Variants in KCNK13 observed in about 807,000 individuals in gnomAD.
KCNK13 encodes potassium channel subfamily K member 13.
KCNK13 carries 12 observed loss-of-function variants against 23.4 expected under a neutral mutation model. The ratio of observed to expected loss-of-function variants is 0.51; its 90% CI spans 0.33 to 0.83. The LOEUF is 0.83. Ranked by LOEUF, KCNK13 falls within the 40% of genes least tolerant of loss-of-function variation. KCNK13 has a pLI of 0.02. For synonymous variants in KCNK13, 231 were observed against 229.5 expected, an observed-to-expected ratio of 1.01 and a Z score of -0.06; for missense variants, 463 against 556.3, an observed-to-expected ratio of 0.83 and a Z score of 1.69.
intron 1 of KCNK13, among the ~76,000 whole-genome samples, chr14:90,118,982 T>C (rs1432157675): frequency 6.6e-6 from 1 of 151,830 alleles, no homozygotes; most frequent in Non-Finnish European, 1.5e-5. Flanking sequence ...CCCACAGAAA[T>C]AAAAATAACA....
chr14:90,116,413 C>G (rs1204447386), intron 1 of KCNK13, among the ~76,000 whole-genome samples: 1 of 152,200 alleles, frequency 6.6e-6, no homozygotes, highest in African/African-American at 2.4e-5. Context: ...TAGTTATAAA[C>G]TATCGCACAG....
chr14:90,128,456 CA>C (rs1889828890), intron 1 of KCNK13, among the ~76,000 whole-genome samples: 1 of 152,196 alleles, frequency 6.6e-6, no homozygotes, highest in South Asian at 2.1e-4. Context: ...CCCTTCAGCT[CA>C]TTCACTGCAC....
At chr14:90,155,576 C>T (rs1890184049) in intron 1 of KCNK13, among the ~76,000 whole-genome samples, 1 of 152,054 alleles carries the variant, frequency 6.6e-6, no homozygotes, top group Non-Finnish European at 1.5e-5. Flanking sequence ...ATATTTTGGA[C>T]TGGAGAGGTA....
At chr14:90,115,688 G>A (rs74082616) in intron 1 of KCNK13, among the ~76,000 whole-genome samples, 2,813 of 152,152 alleles carry the variant, frequency 0.018, 84 homozygotes, top group African/African-American at 0.064. Flanking sequence ...TTCCAATAAC[G>A]TGTTATTAAA....
intron 1 of KCNK13, among the ~76,000 whole-genome samples, chr14:90,088,432 T>C (rs963274214): frequency 2.0e-5 from 3 of 152,158 alleles, no homozygotes; most frequent in Non-Finnish European, 4.4e-5. Context: ...AAAAGTGAAG[T>C]TCCCGAAGGC....
At chr14:90,063,507 G>C (rs1321076390) in intron 1 of KCNK13, among the ~76,000 whole-genome samples, 2 of 152,262 alleles carry the variant, frequency 1.3e-5, no homozygotes, top group East Asian at 3.9e-4. Flanking sequence ...AATAAATTCT[G>C]AGGGGGGCAA....
intron 1 of KCNK13, among the ~76,000 whole-genome samples, chr14:90,084,117 T>C (rs1426136631): frequency 6.6e-6 from 1 of 152,228 alleles, no homozygotes; most frequent in Non-Finnish European, 1.5e-5. Flanking sequence ...TCCAATGTTG[T>C]TGGTTTTTTT....
intron 1 of KCNK13, among the ~76,000 whole-genome samples, chr14:90,142,310 A>ATTTT (rs1229053089): frequency 3.9e-5 from 4 of 103,364 alleles, no homozygotes; most frequent in African/African-American, 1.1e-4. Flanking sequence ...TGGCTGTCCA[A>ATTTT]TTCTTTTTTT....
At chr14:90,143,100 G>C (rs1465799275) in intron 1 of KCNK13, among the ~76,000 whole-genome samples, 1 of 151,198 alleles carries the variant, frequency 6.6e-6, no homozygotes, top group African/African-American at 2.4e-5. Context: ...AAAAAGGTAG[G>C]GACACCTTTA....
chr14:90,125,852 A>G (rs999310666), intron 1 of KCNK13, among the ~76,000 whole-genome samples: 1 of 152,030 alleles, frequency 6.6e-6, no homozygotes, highest in African/African-American at 2.4e-5. Flanking sequence ...GTGAAACCTC[A>G]TCTCTACAGA....
At chr14:90,120,100 T>G (rs187971335) in intron 1 of KCNK13, among the ~76,000 whole-genome samples, 1 of 152,314 alleles carries the variant, frequency 6.6e-6, no homozygotes, top group East Asian at 1.9e-4. Context: ...CAGTGTCTGT[T>G]GTTCCCCTGT....
At chr14:90,153,166 CCTCCCTGACT>C in intron 1 of KCNK13, among the ~76,000 whole-genome samples, 1 of 152,290 alleles carries the variant, frequency 6.6e-6, no homozygotes, top group East Asian at 1.9e-4. Flanking sequence ...CCTTCTCTGA[CCTCCCTGACT>C]CTCCTTCCCC....
At chr14:90,068,849 ACCT>A (rs1343097081) in intron 1 of KCNK13, among the ~76,000 whole-genome samples, 1 of 151,486 alleles carries the variant, frequency 6.6e-6, no homozygotes, top group East Asian at 1.9e-4. Flanking sequence ...CTGTCTTATG[ACCT>A]CCTCGCCAAC....
chr14:90,099,247 G>A (rs1009721437), intron 1 of KCNK13, among the ~76,000 whole-genome samples: 10 of 152,220 alleles, frequency 6.6e-5, no homozygotes, highest in Admixed American at 2.0e-4. Flanking sequence ...GTTTCTCAGC[G>A]CAGTTGAACT....
intron 1 of KCNK13, among the ~76,000 whole-genome samples, chr14:90,112,665 G>A (rs1889629729): frequency 2.6e-5 from 4 of 152,098 alleles, no homozygotes; most frequent in Admixed American, 2.6e-4. Flanking sequence ...CTCAAATGAA[G>A]TAAAAGCAAC....
At chr14:90,075,554 C>G (rs968000105) in intron 1 of KCNK13, among the ~76,000 whole-genome samples, 1 of 152,200 alleles carries the variant, frequency 6.6e-6, no homozygotes, top group African/African-American at 2.4e-5. Context: ...TTTCGGCTCA[C>G]TGCAATCTCC....
intron 1 of KCNK13, among the ~76,000 whole-genome samples, chr14:90,100,535 G>A (rs1889462844): frequency 6.6e-6 from 1 of 152,210 alleles, no homozygotes; most frequent in Admixed American, 6.5e-5. Flanking sequence ...GCCGCAAAGT[G>A]TGAAGCAGTG....
At chr14:90,112,710 T>G (rs190543723) in intron 1 of KCNK13, among the ~76,000 whole-genome samples, 1 of 152,172 alleles carries the variant, frequency 6.6e-6, no homozygotes, top group East Asian at 1.9e-4. Flanking sequence ...ATTGCTTTTT[T>G]TAATCAATAG....
intron 1 of KCNK13, among the ~76,000 whole-genome samples, chr14:90,145,048 G>C (rs984035945): frequency 4.3e-4 from 65 of 152,088 alleles, no homozygotes; most frequent in Non-Finnish European, 4.3e-4. Context: ...TGCATCTACT[G>C]AGTGATTACA....
Sources: allele counts gnomAD v4.1 joint callset (sites outside exome capture counted in the v4.1 genomes callset), GRCh38; gene constraint gnomAD v4.1.1; transcripts MANE v1.5; gene names NCBI Gene and HGNC (gene_info 2026-07-23, HGNC 2026-07-21).